FARS2: variants seen among roughly 807,000 people sequenced by gnomAD.
FARS2 encodes phenylalanine--tRNA ligase, mitochondrial.
Under a neutral mutation model 46.4 loss-of-function variants are expected in FARS2, and 40 were observed. The observed-to-expected ratio is 0.86, with a 90% CI of 0.67 to 1.12. FARS2 has a LOEUF of 1.12. FARS2 is among the 50% of genes most tolerant of loss of function. The probability of loss-of-function intolerance (pLI) is 0.00; values close to 1 mark genes in which losing one functional copy is unlikely to be tolerated. For missense variants in FARS2, 513 were observed against 567.9 expected (o/e 0.90, Z 0.98); for synonymous variants, 234 against 214.9 (o/e 1.09, Z -0.78).
chr6:5,330,704 A>G (rs1770739160), intron 1 of FARS2, among the ~76,000 whole-genome samples: 1 of 152,018 alleles, frequency 6.6e-6, no homozygotes, highest in South Asian at 2.1e-4. Context: ...ATATTCGTTC[A>G]CTCTTCTCTA....
intron 1 of FARS2, among the ~76,000 whole-genome samples, chr6:5,361,773 G>A (rs886852139): frequency 6.6e-6 from 1 of 152,116 alleles, no homozygotes; most frequent in Non-Finnish European, 1.5e-5. Flanking sequence ...CTTTTGTCTA[G>A]TGGTGACCAT....
chr6:5,301,482 C>T (rs972587216), intron 1 of FARS2, among the ~76,000 whole-genome samples: 6 of 152,062 alleles, frequency 3.9e-5, no homozygotes, highest in African/African-American at 7.2e-5. Context: ...AGCAAAGTAA[C>T]GGCAAGTTCT....
At chr6:5,444,147 G>A (rs1369681021) in intron 4 of FARS2, among the ~76,000 whole-genome samples, 1 of 151,572 alleles carries the variant, frequency 6.6e-6, no homozygotes, top group South Asian at 2.1e-4. Context: ...GCACGCACGT[G>A]CATATGTTCG....
At chr6:5,400,247 C>G (rs1317999991) in intron 2 of FARS2, among the ~76,000 whole-genome samples, 1 of 151,952 alleles carries the variant, frequency 6.6e-6, no homozygotes, top group Non-Finnish European at 1.5e-5. Context: ...GTTCAGGGGT[C>G]ATTTTCATAT....
Position 5,368,602 on chromosome 6 carries a change from A to T in FARS2, c.32A>T (p.His11Leu). The stretch of plus-strand genomic sequence containing the variant: ...GGCTCAGCTCTCAGGAGAGGTGCCC[A>T]TGCATATGTCTACCTGGTGAGTAAG... MVGSALRRGA[H>L]AYVYLVSKAS... is the part of the protein sequence containing the mutation. The change falls in exon 2 of 7, where the codon CAT becomes CTT. Residue 11 changes from histidine to leucine, a missense_variant. Physicochemically the swap from His to Leu is moderately conservative, Grantham distance 99. Transcript: ENST00000274680. The T allele has an allele frequency of 6.2e-7, 1 of 1,613,718 alleles. No homozygotes were observed. Among genetic ancestry groups the T allele is most frequent in the Non-Finnish European group, 8.5e-7 (1 of 1,179,738 alleles).
At chr6:5,470,680 GC>G (rs1364840591) in intron 4 of FARS2, among the ~76,000 whole-genome samples, 1 of 152,080 alleles carries the variant, frequency 6.6e-6, no homozygotes, top group East Asian at 1.9e-4. Flanking sequence ...TGGGTTTGTT[GC>G]TACTAAACTG....
At chr6:5,621,236 G>T (rs1295233587) in intron 6 of FARS2, among the ~76,000 whole-genome samples, 2 of 151,752 alleles carry the variant, frequency 1.3e-5, no homozygotes, top group Non-Finnish European at 2.9e-5. Context: ...ACAGGCATAG[G>T]CCACCACACT....
At chr6:5,342,440 A>G (rs974116847) in intron 1 of FARS2, among the ~76,000 whole-genome samples, 8 of 152,238 alleles carry the variant, frequency 5.3e-5, no homozygotes, top group African/African-American at 1.7e-4. Context: ...TGATGGACAC[A>G]GTTAAGTGAC....
At chr6:5,307,190 C>T (rs559011534) in intron 1 of FARS2, among the ~76,000 whole-genome samples, 2 of 152,242 alleles carry the variant, frequency 1.3e-5, no homozygotes, top group Admixed American at 1.3e-4. Flanking sequence ...CTTGCTCTTT[C>T]CACATGTTGT....
chr6:5,431,739 A>C (rs1763182122), intron 4 of FARS2: 1 of 525,940 alleles, frequency 1.9e-6, no homozygotes, highest in African/African-American at 1.9e-5. Context: ...ATCTATAGGC[A>C]TTTCAGAAAG....
At chr6:5,692,424 C>A (rs192565959) in intron 6 of FARS2, among the ~76,000 whole-genome samples, 55 of 152,282 alleles carry the variant, frequency 3.6e-4, no homozygotes, top group African/African-American at 1.2e-3. Context: ...TTTTGGCAAA[C>A]CATATATTCA....
intron 6 of FARS2, among the ~76,000 whole-genome samples, chr6:5,651,331 T>G (rs1360246560): frequency 6.6e-6 from 1 of 152,178 alleles, no homozygotes; most frequent in African/African-American, 2.4e-5. Flanking sequence ...GACTGTCGAT[T>G]GAAAATGTGT....
At chr6:5,520,252 A>G (rs914483108) in intron 4 of FARS2, among the ~76,000 whole-genome samples, 16 of 152,142 alleles carry the variant, frequency 1.1e-4, no homozygotes, top group Admixed American at 2.0e-4. Flanking sequence ...TGAGGCCCCC[A>G]TGTGGGCATT....
rs530913935 is a variant in FARS2, at chr6:5,648,376, C to T, written c.1217+35056C>T. ...ACAGGGTCCCCCCAGATCTCCATGT[C>T]GTCTGTGACCCCATCAACTCCCCTT... On this transcript the variant is annotated intron_variant, in intron 6 of 6. Transcript: ENST00000274680. Among the ~76,000 whole-genome samples the T allele has an allele frequency of 1.8e-3, 279 of 152,330 alleles. 2 individuals carry two copies. Among genetic ancestry groups the T allele is most frequent in the African/African-American group, 6.4e-3 (268 of 41,586 alleles).
At chr6:5,568,697 C>T (rs1392468162) in intron 5 of FARS2, among the ~76,000 whole-genome samples, 6 of 152,242 alleles carry the variant, frequency 3.9e-5, no homozygotes, top group East Asian at 1.9e-4. Flanking sequence ...AAACTTAGCT[C>T]GCAAAGCTTA....
intron 6 of FARS2, among the ~76,000 whole-genome samples, chr6:5,636,415 G>A (rs1221577865): frequency 6.6e-6 from 1 of 152,176 alleles, no homozygotes; most frequent in Non-Finnish European, 1.5e-5. Flanking sequence ...GGCCCTGGCA[G>A]CCATTTTGTG....
At chr6:5,299,377 T>G (rs781019446) in intron 1 of FARS2, among the ~76,000 whole-genome samples, 29 of 152,224 alleles carry the variant, frequency 1.9e-4, no homozygotes, top group Non-Finnish European at 4.4e-5. Flanking sequence ...ATCTGAGGGT[T>G]TTTTGGTTTC....
intron 5 of FARS2, among the ~76,000 whole-genome samples, chr6:5,549,624 G>A (rs1378767390): frequency 6.6e-6 from 1 of 152,098 alleles, no homozygotes; most frequent in Non-Finnish European, 1.5e-5. Flanking sequence ...GGTAATTCAG[G>A]ATAATCTTCC....
At chr6:5,353,726 G>GTTT (rs55998904) in intron 1 of FARS2, among the ~76,000 whole-genome samples, 6,653 of 39,932 alleles carry the variant, frequency 0.17, 924 homozygotes, top group Non-Finnish European at 0.21. Context: ...AATATTTGGT[G>GTTT]TTTTTTTTTT....
Sources: gnomAD v4.1 joint callset for allele counts (sites outside exome capture counted in the v4.1 genomes callset) on GRCh38, gnomAD v4.1.1 for gene constraint, MANE v1.5 for transcripts, NCBI Gene and HGNC (gene_info 2026-07-23, HGNC 2026-07-21) for gene names.